SAP130: variants seen among roughly 807,000 people sequenced by gnomAD.
SAP130 encodes the protein histone deacetylase complex subunit SAP130.
A neutral mutation model predicts 103.2 loss-of-function variants in SAP130; 16 were observed. The ratio of observed to expected loss-of-function variants is 0.16; its 90% CI spans 0.10 to 0.24. SAP130 has a LOEUF of 0.24. Ranked by LOEUF, SAP130 falls within the 10% of genes least tolerant of loss-of-function variation. The pLI, the probability that SAP130 is intolerant of heterozygous loss-of-function variation, is 1.00. For missense variants in SAP130, 990 were observed against 1,359.7 expected (o/e 0.73, Z 4.28); for synonymous variants, 477 against 497.0 (o/e 0.96, Z 0.53).
intron 7 of SAP130, among the ~76,000 whole-genome samples, chr2:128,002,547 AT>A (rs1160863178): frequency 5.3e-5 from 8 of 152,126 alleles, no homozygotes; most frequent in East Asian, 3.9e-4. Context: ...AAATAAAAAA[AT>A]AAAGAGGAAA....
intron 7 of SAP130, among the ~76,000 whole-genome samples, chr2:128,007,698 T>A (rs1004843189): frequency 6.6e-6 from 1 of 152,154 alleles, no homozygotes; most frequent in East Asian, 1.9e-4. Flanking sequence ...GTCACACAAG[T>A]AGATAACAGA....
chr2:127,991,587 C>A (rs1682811496), intron 12 of SAP130, among the ~76,000 whole-genome samples: 1 of 152,184 alleles, frequency 6.6e-6, no homozygotes, highest in African/African-American at 2.4e-5. Context: ...CCTCCTCAGC[C>A]TCCCAAAGTG....
intron 12 of SAP130, among the ~76,000 whole-genome samples, chr2:127,991,078 C>T (rs925480679): frequency 6.6e-6 from 1 of 152,070 alleles, no homozygotes; most frequent in South Asian, 2.1e-4. Context: ...GGTGAAACCC[C>T]ATCTCTACTA....
At chr2:127,978,199 CATTGACTAAGT>C in intron 14 of SAP130, 110 bp from the exon 15 acceptor site, 1 of 727,118 alleles carries the variant, frequency 1.4e-6, no homozygotes, top group Non-Finnish European at 2.4e-6. Flanking sequence ...TAAAGCCCTA[CATTGACTAAGT>C]ATTTTTAAAA....
At chr2:128,011,385 G>C (rs1684387278) in intron 6 of SAP130, among the ~76,000 whole-genome samples, 1 of 152,158 alleles carries the variant, frequency 6.6e-6, no homozygotes, top group Admixed American at 6.5e-5. Context: ...CGAATCACCT[G>C]AGTTCTGATT....
Position 128,016,520 on chromosome 2 carries a change from G to A in SAP130, c.376C>T (p.Arg126Cys). ...KPPPKPTMPS[R>C]PIAPAPPSTL... ...GAAGGTGGAGCAGGAGCAATGGGACGGCTAGGCATGGTGGGCTTCGGGGGC... is the reference window on the plus strand; with the variant it reads ...GAAGGTGGAGCAGGAGCAATGGGACAGCTAGGCATGGTGGGCTTCGGGGGC... Residue 126 changes from arginine (R) to cysteine (C), a missense_variant, in exon 4 of 21, where the codon CGT (arginine) becomes TGT (cysteine). Coordinates refer to ENST00000643581, the MANE Select transcript of SAP130 (RefSeq NM_001330301.2). 2 of 1,613,358 alleles carry A rather than the reference G, an allele frequency of 1.2e-6. No homozygotes were observed. The highest frequency in any genetic ancestry group is 1.7e-6 in the Non-Finnish European group (2 of 1,179,682).
chr2:127,999,835 T>C lies in SAP130; in HGVS notation c.1119A>G (p.Ser373=). The change falls in exon 10 of 21, where the codon TCA becomes TCG. Residue 373 remains serine, a synonymous_variant. Transcript: ENST00000643581. ...IPSATTAGSV[S]HTQAPTSTIV... ...TGGTACTTGTGGGAGCTTGCGTGTG[T>C]GACACAGATCCTGAAATAGGGGAAA... 1.3e-6 allele frequency: 2 copies of C among 1,533,986 alleles called. No homozygotes were observed. Among genetic ancestry groups the C allele is most frequent in the Non-Finnish European group, 8.7e-7 (1 of 1,143,662 alleles).
rs1272583650 is a variant in SAP130 at position 127,986,556 on chromosome 2, G to C, written c.1958+229C>G. On this transcript the variant is annotated intron_variant, in intron 14 of 20. Transcript: ENST00000643581. This position sits in a 1 kb window ranked among gnomAD's most constrained non-coding sequence, Gnocchi z 4.7. Reference sequence around the variant, plus strand: ...AGAATTAAAGCAGTATGCAACAGATGCTTACAAACTAACACCTCACTGACT... The same window carrying C: ...AGAATTAAAGCAGTATGCAACAGATCCTTACAAACTAACACCTCACTGACT... Among the ~76,000 whole-genome samples the C allele has an allele frequency of 6.6e-6, 1 of 152,204 alleles. No homozygotes were observed. Among genetic ancestry groups the C allele is most frequent in the Non-Finnish European group, 1.5e-5 (1 of 68,024 alleles).
At chr2:127,958,093 T>C (rs2438017) in intron 15 of SAP130, among the ~76,000 whole-genome samples, 125,607 of 152,266 alleles carry the variant, frequency 0.82, 52,371 homozygotes, top group Middle Eastern at 0.88. Flanking sequence ...CAAACCTGCA[T>C]GTTCTGCACA....
In SAP130 at chr2:127,955,763, C is replaced by T. The variant is rs147586106; in HGVS notation, c.2064-419G>A. On this transcript the variant is annotated intron_variant, in intron 15 of 20. Transcript: ENST00000643581. The surrounding 1 kb of genome is among the most constrained non-coding windows in gnomAD (Gnocchi z 4.9). ...TCGGCCTCCCAAAGTGATGGGATTACAGGTGTGAGCCACCACACCCAGCTC... is the reference window on the plus strand; with the variant it reads ...TCGGCCTCCCAAAGTGATGGGATTATAGGTGTGAGCCACCACACCCAGCTC... Among the ~76,000 whole-genome samples, 690 of 152,298 alleles carry T rather than the reference C, an allele frequency of 4.5e-3. 6 individuals are homozygous for T. Among genetic ancestry groups the T allele is most frequent in the African/African-American group, 0.016 (648 of 41,562 alleles).
At chr2:128,007,845 T>C (rs1413984717) in intron 7 of SAP130, among the ~76,000 whole-genome samples, 1 of 152,194 alleles carries the variant, frequency 6.6e-6, no homozygotes, top group Non-Finnish European at 1.5e-5. Flanking sequence ...GGCCCACACA[T>C]TGATCACTCC....
rs1428144232 is a variant in SAP130 at position 127,996,311 on chromosome 2, G to T, written c.1355+39C>A. The T allele has an allele frequency of 1.3e-6, 2 of 1,521,844 alleles. No individual in the cohort carries two copies. Among genetic ancestry groups the T allele is most frequent in the South Asian group, 1.3e-5 (1 of 78,086 alleles). 94.3% of individuals were successfully genotyped at this position (1,521,844 alleles called of 1,614,324 possible). A position where few individuals can be genotyped will look rare whatever the true frequency, so the allele number is the denominator to read the frequency against. On this transcript the variant is annotated intron_variant, in intron 11 of 20. Coordinates refer to ENST00000643581, the MANE Select transcript of SAP130 (RefSeq NM_001330301.2). This position sits in a 1 kb window ranked among gnomAD's most constrained non-coding sequence, Gnocchi z 4.3. Reference sequence around the variant, plus strand: ...ATGCTGATAAAGCAGAACGATTAATGACACAGTGAGGCAGAATAACTGACA... The same window carrying T: ...ATGCTGATAAAGCAGAACGATTAATTACACAGTGAGGCAGAATAACTGACA...
In SAP130 at chr2:127,955,277, A is replaced by C. The variant is rs1679760134; in HGVS notation, c.2131T>G (p.Ser711Ala). 2.5e-6 allele frequency: 4 copies of C among 1,613,394 alleles called. No homozygotes were observed. Among genetic ancestry groups the C allele is most frequent in the Non-Finnish European group, 3.4e-6 (4 of 1,179,536 alleles). The change falls in exon 16 of 21, where the codon TCC becomes GCC. Residue 711 changes from serine to alanine, a missense_variant. Ser to Ala is a moderately conservative substitution (Grantham distance 99). Transcript: ENST00000643581. This position sits in a 1 kb window ranked among gnomAD's most constrained non-coding sequence, Gnocchi z 4.9. Reference sequence around the variant, plus strand: ...GTAGGCTGATCATTATTTTGATTGGATACAGTCTCCATGGACACAGTGACC... The same window carrying C: ...GTAGGCTGATCATTATTTTGATTGGCTACAGTCTCCATGGACACAGTGACC... ...TPVTVSMETVSNQNNDQPTIA... is the reference protein window; with the variant it reads ...TPVTVSMETVANQNNDQPTIA...
Position 128,000,440 on chromosome 2 carries a change from G to C in SAP130, c.884C>G (p.Ser295Cys), listed in dbSNP as rs1361602362. 6.2e-7 allele frequency: 1 copy of C among 1,614,050 alleles called. No individual in the cohort carries two copies. Among genetic ancestry groups the C allele is most frequent in the East Asian group, 2.2e-5 (1 of 44,894 alleles). Reference sequence around the variant, plus strand: ...TGCTGCAGATGGAGGATGCTGGATAGACAAGGTTGGCCTACTGAAAAGATA... The same window carrying C: ...TGCTGCAGATGGAGGATGCTGGATACACAAGGTTGGCCTACTGAAAAGATA... ...TDSALSRPTL[S>C]IQHPPSAAIS... The change falls in exon 8 of 21, where the codon TCT becomes TGT. Residue 295 changes from serine to cysteine, a missense_variant. Transcript: ENST00000643581.
intron 6 of SAP130, among the ~76,000 whole-genome samples, chr2:128,011,601 C>A (rs1351167795): frequency 2.0e-5 from 3 of 152,184 alleles, no homozygotes; most frequent in Non-Finnish European, 4.4e-5. Flanking sequence ...ATATGTATCA[C>A]ATATACTACT....
At chr2:128,025,326 C>T (rs1343443476) in intron 2 of SAP130, among the ~76,000 whole-genome samples, 1 of 152,168 alleles carries the variant, frequency 6.6e-6, no homozygotes, top group African/African-American at 2.4e-5. Context: ...ACCAAACTGT[C>T]TTTAGATATT....
chr2:127,987,028 A>C, intron 13 of SAP130, 66 bp from the exon 14 acceptor site: 1 of 1,418,490 alleles, frequency 7.0e-7, no homozygotes, highest in Non-Finnish European at 9.8e-7. Flanking sequence ...AGAAGACATA[A>C]ATAAAAATGA....
intron 2 of SAP130, among the ~76,000 whole-genome samples, chr2:128,021,442 A>G (rs1440028846): frequency 6.8e-6 from 1 of 146,906 alleles, no homozygotes; most frequent in Non-Finnish European, 1.5e-5. Flanking sequence ...ACAAGACTCC[A>G]TCTCAAAAAA....
chr2:127,998,749 G>A (rs985331062), intron 10 of SAP130, among the ~76,000 whole-genome samples: 4 of 152,198 alleles, frequency 2.6e-5, no homozygotes, highest in African/African-American at 9.6e-5. Flanking sequence ...ATTCTTCATG[G>A]TGGAGGGTCA....
Sources: gnomAD v4.1 joint callset for allele counts (sites outside exome capture counted in the v4.1 genomes callset) on GRCh38, gnomAD v4.1.1 for gene constraint, Gnocchi (gnomAD v3.1) non-coding constraint, MANE v1.5 for transcripts, NCBI Gene and HGNC (gene_info 2026-07-23, HGNC 2026-07-21) for gene names.